The following SON variants were observed in gnomAD, a reference collection of about 807,000 sequenced individuals.
The protein encoded by SON is SON DNA and RNA binding protein.
In SON, 4 loss-of-function variants were observed where a neutral mutation model predicts 173.3. The ratio of observed to expected loss-of-function variants is 0.02; its 90% CI spans 0.01 to 0.05. The LOEUF (loss-of-function observed/expected upper bound fraction) is 0.05, where lower values mean the gene tolerates loss of function less well. Among genes scored for constraint, SON ranks in the 10% least tolerant of loss-of-function variants. The pLI, the probability that SON is intolerant of heterozygous loss-of-function variation, is 1.00. For synonymous variants in SON, 1,190 were observed against 1,105.9 expected (o/e 1.08, Z -1.51); for missense variants, 2,626 against 3,055.3 (o/e 0.86, Z 3.31).
intron 6 of SON, among the ~76,000 whole-genome samples, chr21:33,561,700 G>C (rs1361733294): frequency 1.3e-5 from 2 of 152,212 alleles, no homozygotes; most frequent in East Asian, 3.9e-4. Context: ...CACTGAGTGT[G>C]GTGCCTTAGC....
intron 2 of SON, among the ~76,000 whole-genome samples, chr21:33,547,823 T>C (rs911058092): frequency 6.7e-6 from 1 of 149,848 alleles, no homozygotes; most frequent in Non-Finnish European, 1.5e-5. Context: ...CACGCCATTG[T>C]CCTGCCTCAG....
At chr21:33,558,887 T>C (rs892500538) in intron 4 of SON, 2 of 166,262 alleles carry the variant, frequency 1.2e-5, no homozygotes, top group African/African-American at 4.8e-5. Context: ...AGTGTTCAAT[T>C]ATTTCATGTA....
At chr21:33,573,124 T>C (rs2086323422) in intron 8 of SON, 184 bp from the exon 9 acceptor site, 1 of 464,090 alleles carries the variant, frequency 2.2e-6, no homozygotes, top group Non-Finnish European at 3.8e-6. Context: ...TACTATTACG[T>C]TAATGTGCAA....
intron 1 of SON, among the ~76,000 whole-genome samples, chr21:33,544,865 AAAAT>A (rs1354594697): frequency 2.6e-5 from 4 of 152,240 alleles, no homozygotes; most frequent in Admixed American, 1.3e-4. Flanking sequence ...GGAAAATTGT[AAAAT>A]AAAGTGCTAC....
At chr21:33,560,139 A>G in intron 6 of SON, 2 of 1,609,524 alleles carry the variant, frequency 1.2e-6, no homozygotes, top group South Asian at 1.1e-5. Context: ...TAGCAAATTT[A>G]TCGGGTGGAG....
Position 33,550,852 on chromosome 21 carries a change from G to C in SON, c.1621G>C (p.Glu541Gln), listed in dbSNP as rs1353662308. ...GGCAACAGGGTTGCTGGGGCAGCCT[G>C]AGGCAACGATGGTGCTGGAGTTGCC... ...TTATGLLGQP[E>Q]ATMVLELPGQ... is the part of the protein sequence containing the mutation. The change falls in exon 3 of 12, where the codon GAG becomes CAG. Residue 541 changes from glutamate to glutamine, a missense_variant. Transcript: ENST00000356577. The C allele has an allele frequency of 6.2e-7, 1 of 1,613,466 alleles. No homozygotes were observed. The highest frequency in any genetic ancestry group is 8.5e-7 in the Non-Finnish European group (1 of 1,179,518).
chr21:33,546,134 T>C, intron 1 of SON, 79 bp from the exon 2 acceptor site: 3 of 1,226,842 alleles, frequency 2.4e-6, no homozygotes, highest in Non-Finnish European at 3.4e-6. Flanking sequence ...GTACAACATA[T>C]GATTATTGTA....
At chr21:33,575,710 T>C (rs369797607) in intron 10 of SON, 43 bp downstream of exon 10, 3 of 1,577,396 alleles carry the variant, frequency 1.9e-6, no homozygotes, top group African/African-American at 2.7e-5. Flanking sequence ...TAATCCCACC[T>C]TGAATTCATT....
In SON at chr21:33,550,645, C is replaced by T. The variant is rs767649909; in HGVS notation, c.1414C>T (p.Pro472Ser). The T allele has an allele frequency of 1.3e-4, 216 of 1,613,842 alleles. 1 individual carries two copies. Among genetic ancestry groups the T allele is most frequent in the Non-Finnish European group, 1.7e-4 (198 of 1,179,970 alleles). ...GGAGCCACCACAGGAGGTACCAGAGCCACCTGTGATGGCACAGGAGTTGCC... is the reference window on the plus strand; with the variant it reads ...GGAGCCACCACAGGAGGTACCAGAGTCACCTGTGATGGCACAGGAGTTGCC... ...GLEPPQEVPE[P>S]PVMAQELPGL... The change falls in exon 3 of 12, where the codon CCA becomes TCA. Residue 472 changes from proline to serine, a missense_variant. Coordinates refer to ENST00000356577, the MANE Select transcript of SON (RefSeq NM_138927.4).
intron 6 of SON, chr21:33,560,258 G>C: frequency 6.8e-7 from 1 of 1,473,044 alleles, no homozygotes; most frequent in Admixed American, 2.6e-5. Context: ...TGCCCTTAAT[G>C]ATGGTTTCTT....
chr21:33,549,407 G>A, intron 2 of SON, 69 bp from the exon 3 acceptor site: 2 of 1,310,082 alleles, frequency 1.5e-6, no homozygotes, highest in South Asian at 3.1e-5. Context: ...ATGTAAATAT[G>A]GGTTTATATG....
intron 8 of SON, among the ~76,000 whole-genome samples, chr21:33,571,453 CTTTTTAG>C (rs1261641419): frequency 6.6e-6 from 1 of 152,084 alleles, no homozygotes; most frequent in Non-Finnish European, 1.5e-5. Flanking sequence ...CCTCCGTGTT[CTTTTTAG>C]TTTGTTGCAG....
chr21:33,555,457 C>A (rs2085948727), intron 3 of SON, 66 bp downstream of exon 3: 1 of 1,396,834 alleles, frequency 7.2e-7, no homozygotes, highest in Non-Finnish European at 9.5e-7. Context: ...TTTTTTCTGA[C>A]CTTGAGTCAA....
rs866428547 is a variant in SON, at chr21:33,554,657, G to A, written c.5426G>A (p.Arg1809His). The change falls in exon 3 of 12, where the codon CGT becomes CAT. Residue 1809 changes from arginine to histidine, a missense_variant. By Grantham distance (29) the Arg-to-His change is conservative. Coordinates refer to ENST00000356577, the MANE Select transcript of SON (RefSeq NM_138927.4). ...GAAAAAAGCAAGAAAAATAAGAACC[G>A]TGATAAGGGGGAGAAAGAGAAGAAA... ...THEKSKKNKNRDKGEKEKKRD... is the reference protein window; with the variant it reads ...THEKSKKNKNHDKGEKEKKRD... 6 of 1,613,492 alleles carry A rather than the reference G, an allele frequency of 3.7e-6. No individual in the cohort carries two copies. The East Asian group carries it at 6.7e-5, about 18-fold the overall frequency.
Position 33,552,767 on chromosome 21 carries a change from G to T in SON, c.3536G>T (p.Gly1179Val). The change falls in exon 3 of 12, where the codon GGT becomes GTT. Residue 1179 changes from glycine (G) to valine (V), a missense_variant. Coordinates refer to ENST00000356577, the MANE Select transcript of SON (RefSeq NM_138927.4). This position sits in a 1 kb window ranked among gnomAD's most constrained non-coding sequence, Gnocchi z 5.6. ...TTGCCTCCTGAGGAACCACCAGAGG[G>T]TCCAGCATTGCCCACTGAGCAGTCA... The part of the protein sequence containing the change: ...PPLPPEEPPE[G>V]PALPTEQSAL... 6.2e-7 allele frequency: 1 copy of T among 1,613,802 alleles called. No homozygotes were observed. Among genetic ancestry groups the T allele is most frequent in the Admixed American group, 1.7e-5 (1 of 60,018 alleles).
intron 1 of SON, chr21:33,543,489 G>T: frequency 5.0e-6 from 2 of 401,292 alleles, no homozygotes; most frequent in Admixed American, 7.9e-5. Flanking sequence ...CGCCAGGGAC[G>T]GGCCTAGTTC....
Position 33,559,128 on chromosome 21 carries a change from G to C in SON, c.6322-102G>C. ...GTATCTATAACCTATCATGAATCTT[G>C]TTTAACTTTGGAAAGTTGCTATTAT... On this transcript the variant is annotated intron_variant, in intron 4 of 11. Transcript: ENST00000356577. The surrounding 1 kb of genome is among the most constrained non-coding windows in gnomAD (Gnocchi z 4.1). The C allele has an allele frequency of 1.1e-6, 1 of 921,030 alleles. No homozygotes were observed. The highest frequency in any genetic ancestry group is 1.6e-6 in the Non-Finnish European group (1 of 623,756). The allele number at this position is 921,030 out of a possible 1,614,324, so 57.1% of individuals were successfully genotyped here.
At chr21:33,548,817 A>G (rs771893715) in intron 2 of SON, among the ~76,000 whole-genome samples, 3 of 152,254 alleles carry the variant, frequency 2.0e-5, no homozygotes, top group Admixed American at 6.5e-5. Flanking sequence ...AACTAATAAC[A>G]TGAAATATAT....
chr21:33,567,580 T>C (rs1345599947), intron 7 of SON: 3 of 235,604 alleles, frequency 1.3e-5, no homozygotes, highest in Non-Finnish European at 2.5e-5. Flanking sequence ...ATGAAATGTG[T>C]AGGTATTAAT....
Sources: gnomAD v4.1 joint callset for allele counts (sites outside exome capture counted in the v4.1 genomes callset) on GRCh38, gnomAD v4.1.1 for gene constraint, Gnocchi (gnomAD v3.1) non-coding constraint, MANE v1.5 for transcripts, NCBI Gene and HGNC (gene_info 2026-07-23, HGNC 2026-07-21) for gene names.